The following SYDE2 variants were observed in gnomAD, a reference collection of about 807,000 sequenced individuals.
SYDE2 encodes the protein rho GTPase-activating protein SYDE2.
Under a neutral mutation model 91.5 loss-of-function variants are expected in SYDE2, and 76 were observed. The ratio of observed to expected loss-of-function variants is 0.83; its 90% confidence interval spans 0.69 to 1.01. The LOEUF is 1.01. Among genes scored for constraint, SYDE2 ranks in the 50% least tolerant of loss-of-function variants. The pLI is 0.00. For synonymous variants in SYDE2, 513 were observed against 506.4 expected (o/e 1.01, Z -0.18); for missense variants, 1,364 against 1,367.7 (o/e 1.00, Z 0.04).
chr1:85,194,435 A>G (rs989043129), intron 1 of SYDE2, among the ~76,000 whole-genome samples: 7 of 147,994 alleles, frequency 4.7e-5, no homozygotes, highest in African/African-American at 1.7e-4. Context: ...TATATATTAA[A>G]TTATATATTA....
At chr1:85,156,498 G>A (rs886974404), downstream of SYDE2, among the ~76,000 whole-genome samples, 4 of 151,894 alleles carry the variant, frequency 2.6e-5, no homozygotes, top group Admixed American at 1.3e-4. Context: ...ATAAAAACTC[G>A]CAAAAAATAT....
At chr1:85,194,608 ACATGT>A (rs1658508352) in intron 1 of SYDE2, among the ~76,000 whole-genome samples, 1 of 151,924 alleles carries the variant, frequency 6.6e-6, no homozygotes, top group African/African-American at 2.4e-5. Flanking sequence ...TTGCAACTAT[ACATGT>A]TATGGGATAA....
At position 85,200,305 on chromosome 1, in the gene SYDE2, A is replaced by ACCT. The variant is rs1233347452; in HGVS notation, c.691_692insAGG (p.Lys230_Val231insGlu). The ACCT allele has an allele frequency of 6.2e-7, 1 of 1,613,978 alleles. No homozygotes were observed. The highest frequency in any genetic ancestry group is 1.7e-5 in the Admixed American group (1 of 60,032). On this transcript the variant is annotated inframe_insertion, in exon 1 of 7. Coordinates refer to ENST00000341460, the MANE Select transcript of SYDE2 (RefSeq NM_032184.2). Reference sequence around the variant, plus strand: ...CACCGACAGGACACGGTTTTCACGCACTTTCAAAGCGCCCACATTTGGGGA... The same window carrying ACCT: ...CACCGACAGGACACGGTTTTCACGCACCTCTTTCAAAGCGCCCACATTTGGGGA...
intron 5 of SYDE2, among the ~76,000 whole-genome samples, chr1:85,165,753 T>C (rs1014025519): frequency 3.3e-5 from 5 of 151,792 alleles, no homozygotes; most frequent in Non-Finnish European, 7.4e-5. Context: ...TCAACAGTTA[T>C]GGAAAGAAAT....
At chr1:85,173,056 C>G (rs1177479459) in intron 4 of SYDE2, among the ~76,000 whole-genome samples, 1 of 152,024 alleles carries the variant, frequency 6.6e-6, no homozygotes, top group Non-Finnish European at 1.5e-5. Flanking sequence ...GCCCCCACCC[C>G]CAACCAAAAA....
chr1:85,173,187 T>C (rs1357716319), intron 4 of SYDE2, among the ~76,000 whole-genome samples: 1 of 152,044 alleles, frequency 6.6e-6, no homozygotes, highest in Non-Finnish European at 1.5e-5. Context: ...CAATATGACA[T>C]GTTCTTATAA....
chr1:85,155,183 A>G (rs886636134), downstream of SYDE2, among the ~76,000 whole-genome samples: 15 of 152,220 alleles, frequency 9.9e-5, no homozygotes, highest in African/African-American at 3.6e-4. Context: ...AGTGAAGAAC[A>G]TACTTCCTTC....
chr1:85,185,708 A>G, intron 2 of SYDE2, among the ~76,000 whole-genome samples: 1 of 152,008 alleles, frequency 6.6e-6, no homozygotes, highest in Non-Finnish European at 1.5e-5. Flanking sequence ...GGCTGAGACA[A>G]TGGGGTTTTC....
chr1:85,182,763 G>T lies in SYDE2; in HGVS notation c.1879C>A (p.Pro627Thr). ...TTGCTAGCTTTAGTTGTAAGTTCAGGTGAGTCTCCATCACTAAGGTAACCA... is the reference window on the plus strand; with the variant it reads ...TTGCTAGCTTTAGTTGTAAGTTCAGTTGAGTCTCCATCACTAAGGTAACCA... ...KGGYLSDGDS[P>T]ELTTKASKHG... The change falls in exon 3 of 7, where the codon CCT becomes ACT. Residue 627 changes from proline (P) to threonine (T), a missense_variant. By Grantham distance (38) the Pro-to-Thr change is conservative. Coordinates refer to ENST00000341460, the MANE Select transcript of SYDE2 (RefSeq NM_032184.2). 1.2e-6 allele frequency: 2 copies of T among 1,613,808 alleles called. No individual in the cohort carries two copies. Among genetic ancestry groups the T allele is most frequent in the Non-Finnish European group, 1.7e-6 (2 of 1,179,830 alleles).
Position 85,158,697 on chromosome 1 carries a change from AAAAC to A in SYDE2, c.*49_*52del, listed in dbSNP as rs1289391766. On this transcript the variant is annotated 3_prime_UTR_variant, in exon 7 of 7. Coordinates refer to ENST00000341460, the MANE Select transcript of SYDE2 (RefSeq NM_032184.2). ...ATCGCTGTGGGTGGTATAAGAAAAT[AAAAC>A]AAAAACAGATTTGAAACTTTAAGAC... is the stretch of plus-strand genomic sequence containing the variant. 3.1e-6 allele frequency: 2 copies of A among 653,090 alleles called. No homozygotes were observed. The highest frequency in any genetic ancestry group is 3.6e-5 in the South Asian group (2 of 55,850). 40.5% of individuals were successfully genotyped at this position (653,090 alleles called of 1,614,324 possible).
intron 5 of SYDE2, among the ~76,000 whole-genome samples, 155 bp from the exon 6 acceptor site, chr1:85,164,912 G>T (rs1399462781): frequency 6.6e-6 from 1 of 152,136 alleles, no homozygotes; most frequent in African/African-American, 2.4e-5. Context: ...CTAGAACATA[G>T]TTTCTAATAG....
chr1:85,191,610 T>G (rs1415906885), intron 1 of SYDE2, among the ~76,000 whole-genome samples: 1 of 151,770 alleles, frequency 6.6e-6, no homozygotes, highest in Non-Finnish European at 1.5e-5. Context: ...ATACAAAAAT[T>G]AGCCGGGCAT....
rs368870065 is a variant in SYDE2, at chr1:85,164,724, A to G, written c.2887T>C (p.Leu963=). Residue 963 remains leucine, a synonymous_variant, in exon 6 of 7, where the codon TTG becomes CTG. Coordinates refer to ENST00000341460, the MANE Select transcript of SYDE2 (RefSeq NM_032184.2). The part of the protein sequence containing the change: ...TLKMLLDHLK[L]VASYHEVNKM... ...TTCACTTCATGATAGGAAGCCACCA[A>G]TTTCAAATGATCCAACAACATCTTT... 1.3e-5 allele frequency: 19 copies of G among 1,451,508 alleles called. No individual in the cohort carries two copies. The African/African-American group carries it at 2.2e-4, about 17-fold the overall frequency. 89.9% of individuals were successfully genotyped at this position (1,451,508 alleles called of 1,614,324 possible).
intron 6 of SYDE2, chr1:85,160,665 CATTCTTTGTGCT>C (rs1299453659): frequency 1.0e-6 from 1 of 985,410 alleles, no homozygotes; most frequent in East Asian, 1.1e-4. Context: ...TTTCCCCCCT[CATTCTTTGTGCT>C]ATTCCTTTTC....
In SYDE2 at chr1:85,190,729, A is replaced by G; in HGVS notation, c.769T>C (p.Ser257Pro). The G allele has an allele frequency of 6.3e-7, 1 of 1,598,752 alleles. No homozygotes were observed. The highest frequency in any genetic ancestry group is 8.5e-7 in the Non-Finnish European group (1 of 1,173,714). ...TCAAGTTCTCTTCCCTTCATTGAAG[A>G]CCCATAGGCATTTTCAAATAAATCT... ...LTDLFENAYG[S>P]SMKGRELEEL... The change falls in exon 2 of 7, where the codon TCT (serine) becomes CCT (proline). Residue 257 changes from serine (S) to proline (P), a missense_variant. Transcript: ENST00000341460.
rs199940365 is a variant in SYDE2, at chr1:85,190,220, G to A, written c.1278C>T (p.Ser426=). 389 of 1,613,916 alleles carry A rather than the reference G, an allele frequency of 2.4e-4. 1 individual carries two copies. In the African/African-American group the frequency reaches 4.1e-3, roughly 17 times the overall value. The change falls in exon 2 of 7, where the codon TCC becomes TCT. Residue 426 remains serine (S), a synonymous_variant. Transcript: ENST00000341460. Reference sequence around the variant, plus strand: ...TGGTCTGAATATCACCTGCATGTTCGGAAGAGCACAGTGAGTCTTCAGTAT... The same window carrying A: ...TGGTCTGAATATCACCTGCATGTTCAGAAGAGCACAGTGAGTCTTCAGTAT... ...ERHTEDSLCS[S]EHAGDIQTTR...
At chr1:85,168,137 C>A (rs1236061191) in intron 5 of SYDE2, among the ~76,000 whole-genome samples, 2 of 151,870 alleles carry the variant, frequency 1.3e-5, no homozygotes, top group Non-Finnish European at 2.9e-5. Flanking sequence ...AAAAATTTTA[C>A]CTAGTGTTGG....
chr1:85,200,113 G>A, intron 1 of SYDE2, 139 bp downstream of exon 1: 1 of 1,499,184 alleles, frequency 6.7e-7, no homozygotes, highest in Non-Finnish European at 8.8e-7. Context: ...ACTTTAAGCT[G>A]CCACTTACAT....
chr1:85,180,049 G>A lies in SYDE2; in HGVS notation c.2545-1777C>T, dbSNP rs147205175. 7.3e-4 allele frequency among the ~76,000 whole-genome samples: 111 copies of A among 152,260 alleles called. 1 individual carries two copies. In the Middle Eastern group the frequency reaches 0.034, roughly 47 times the overall value. The stretch of plus-strand genomic sequence containing the variant: ...TGATATCTTGAATCAAACCCTTGAA[G>A]TACATGCTCGATGCCTCTATGAAAG... On this transcript the variant is annotated intron_variant, in intron 3 of 6. Transcript: ENST00000341460.
Sources: allele counts gnomAD v4.1 joint callset (sites outside exome capture counted in the v4.1 genomes callset), GRCh38; gene constraint gnomAD v4.1.1; transcripts MANE v1.5; gene names NCBI Gene and HGNC (gene_info 2026-07-23, HGNC 2026-07-21).